Variants in DCST1 observed in about 807,000 individuals in gnomAD.
DCST1 encodes the protein E3 ubiquitin-protein ligase DCST1.
In DCST1, 78 loss-of-function variants were observed where a neutral mutation model predicts 89.1. That is an observed-to-expected ratio of 0.88 (90% CI 0.73 to 1.06). The LOEUF (loss-of-function observed/expected upper bound fraction) is 1.06. Ranked by LOEUF, DCST1 falls within the 50% of genes least tolerant of loss-of-function variation. The pLI, the probability that DCST1 is intolerant of heterozygous loss-of-function variation, is 0.00. For synonymous variants in DCST1, 364 were observed against 371.9 expected, an observed-to-expected ratio of 0.98 and a Z score of 0.24; for missense variants, 900 against 928.6, an observed-to-expected ratio of 0.97 and a Z score of 0.40.
chr1:155,038,727 G>A (rs1057049809), intron 4 of DCST1, among the ~76,000 whole-genome samples: 6 of 152,040 alleles, frequency 3.9e-5, no homozygotes, highest in Non-Finnish European at 8.8e-5. Context: ...ACCCCTCCCT[G>A]AAGAAATACG....
chr1:155,035,785 C>A (rs1181420423), intron 4 of DCST1, among the ~76,000 whole-genome samples: 1 of 151,964 alleles, frequency 6.6e-6, no homozygotes, highest in Non-Finnish European at 1.5e-5. Context: ...CAAAAATTAG[C>A]CGGATGTGGT....
chr1:155,035,899 C>T (rs1393772312), intron 4 of DCST1, among the ~76,000 whole-genome samples: 1 of 151,806 alleles, frequency 6.6e-6, no homozygotes, highest in Admixed American at 6.6e-5. Context: ...CACTGCACTC[C>T]AGCCTGGGTG....
Position 155,046,392 on chromosome 1 carries a change from G to A in DCST1, c.1401G>A (p.Leu467=). ...AGCTCCTGGAGACACTGCCCATTCT[G>A]CTGCTGCTGGTGGTGCTGTGTGGCT... The part of the protein sequence containing the change: ...VRELLETLPI[L]LLLVVLCGLD... The change falls in exon 13 of 17, where the codon CTG becomes CTA. Residue 467 remains leucine (L), a synonymous_variant. Coordinates refer to ENST00000295542, the MANE Select transcript of DCST1 (RefSeq NM_152494.4). 1 of 1,614,034 alleles carries A rather than the reference G, an allele frequency of 6.2e-7. No individual in the cohort carries two copies. The highest frequency in any genetic ancestry group is 1.1e-5 in the South Asian group (1 of 91,082).
intron 6 of DCST1, 106 bp from the exon 7 acceptor site, chr1:155,041,291 G>C (rs1660433472): frequency 8.5e-7 from 1 of 1,175,094 alleles, no homozygotes; most frequent in African/African-American, 1.5e-5. Flanking sequence ...CTGTCGGCCT[G>C]GGGTGAGAAC....
intron 5 of DCST1, among the ~76,000 whole-genome samples, 183 bp from the exon 6 acceptor site, chr1:155,040,302 C>CAAA (rs35215394): frequency 5.0e-5 from 3 of 59,882 alleles, no homozygotes; most frequent in East Asian, 5.4e-4. Flanking sequence ...GACTCCGTCT[C>CAAA]AAAAAAAAAA....
intron 16 of DCST1, chr1:155,049,269 A>G (rs1660769163): frequency 3.6e-6 from 2 of 555,272 alleles, no homozygotes; most frequent in South Asian, 5.1e-5. Context: ...TTGTACTTAC[A>G]TGGTGCTGGC....
rs1224733883 is a variant in DCST1, at chr1:155,045,620, C to T, written c.1173-273C>T. 1.2e-5 allele frequency: 6 copies of T among 485,692 alleles called. 1 individual carries two copies. The highest frequency in any genetic ancestry group is 6.9e-5 in the Admixed American group (2 of 28,898). 30.1% of individuals were successfully genotyped at this position (485,692 alleles called of 1,614,324 possible). On this transcript the variant is annotated intron_variant, in intron 10 of 16. Transcript: ENST00000295542. ...TGCAACTCCCTCCCAGACAGGCTGA[C>T]CATGCCCTCCTCTGAGCCCCCACCT...
Position 155,044,405 on chromosome 1 carries a change from G to A in DCST1, c.1172+896G>A, listed in dbSNP as rs192238401. Among the ~76,000 whole-genome samples, 37 of 150,236 alleles carry A rather than the reference G, an allele frequency of 2.5e-4. No individual in the cohort carries two copies. In the East Asian group the frequency reaches 7.0e-3, roughly 28 times the overall value. On this transcript the variant is annotated intron_variant, in intron 10 of 16. Coordinates refer to ENST00000295542, the MANE Select transcript of DCST1 (RefSeq NM_152494.4). ...GCTGAGGCAGGAGAATCACTGGGAG[G>A]TCGAAGCTGCAGTGAGCTGTGATTG...
intron 8 of DCST1, among the ~76,000 whole-genome samples, chr1:155,042,366 T>C (rs954178547): frequency 6.6e-6 from 1 of 152,192 alleles, no homozygotes; most frequent in Non-Finnish European, 1.5e-5. Flanking sequence ...CCCAAAGTGC[T>C]GGGATTACAG....
At chr1:155,049,278 G>A (rs1328606846) in intron 16 of DCST1, 1 of 517,256 alleles carries the variant, frequency 1.9e-6, no homozygotes, top group African/African-American at 1.9e-5. Flanking sequence ...CATGGTGCTG[G>A]CATGCAGCAA....
intron 10 of DCST1, among the ~76,000 whole-genome samples, chr1:155,044,950 G>A (rs892961498): frequency 1.3e-5 from 2 of 152,210 alleles, no homozygotes; most frequent in Non-Finnish European, 2.9e-5. Context: ...GAGCCAGCTT[G>A]TGGAGGGAAG....
chr1:155,034,833 T>A (rs1660224237), intron 4 of DCST1, 106 bp downstream of exon 4: 4 of 1,219,688 alleles, frequency 3.3e-6, no homozygotes, highest in Non-Finnish European at 4.8e-6. Context: ...TACCCATACA[T>A]CCCCTGTGGC....
chr1:155,034,334 C>T, intron 2 of DCST1, 101 bp from the exon 3 acceptor site: 4 of 1,606,576 alleles, frequency 2.5e-6, no homozygotes, highest in Non-Finnish European at 3.4e-6. Context: ...GTTTCACATG[C>T]CAGGTTTCCC....
At chr1:155,036,047 CAAAA>C (rs11445380) in intron 4 of DCST1, among the ~76,000 whole-genome samples, 7 of 71,232 alleles carry the variant, frequency 9.8e-5, no homozygotes, top group Non-Finnish European at 1.4e-4. Context: ...AACTCTGTCT[CAAAA>C]AAAAAAAAAA....
chr1:155,034,236 A>C, intron 2 of DCST1, 139 bp downstream of exon 2: 1 of 1,535,146 alleles, frequency 6.5e-7, no homozygotes, highest in Non-Finnish European at 8.9e-7. Flanking sequence ...CCCGCCTCCC[A>C]GCCCAGCCCT....
Position 155,047,319 on chromosome 1 carries a change from G to C in DCST1, c.1612+7G>C. Reference sequence around the variant, plus strand: ...ATGGAATCAAACAACATGCGTGAGTGATGCTGAAAGTTTGGATCAGAGGAA... The same window carrying C: ...ATGGAATCAAACAACATGCGTGAGTCATGCTGAAAGTTTGGATCAGAGGAA... On this transcript the variant is annotated splice_region_variant and intron_variant, in intron 14 of 16. Transcript: ENST00000295542. 6.2e-7 allele frequency: 1 copy of C among 1,607,598 alleles called. No homozygotes were observed. Among genetic ancestry groups the C allele is most frequent in the South Asian group, 1.1e-5 (1 of 90,896 alleles).
chr1:155,043,106 T>C (rs1660485246), intron 9 of DCST1, among the ~76,000 whole-genome samples: 1 of 151,806 alleles, frequency 6.6e-6, no homozygotes, highest in African/African-American at 2.4e-5. Context: ...AAGCCTGTGG[T>C]TTGTGCAGAC....
At chr1:155,036,750 T>G (rs141495752) in intron 4 of DCST1, among the ~76,000 whole-genome samples, 246 of 152,382 alleles carry the variant, frequency 1.6e-3, no homozygotes, top group African/African-American at 5.7e-3. Context: ...TATTGTCCCC[T>G]TGGAGGCTGT....
At chr1:155,044,548 T>A (rs187365772) in intron 10 of DCST1, among the ~76,000 whole-genome samples, 5 of 149,346 alleles carry the variant, frequency 3.3e-5, no homozygotes, top group Admixed American at 6.7e-5. Flanking sequence ...AAGACAGAGA[T>A]GGTTCAAGGG....
Sources: allele counts gnomAD v4.1 joint callset (sites outside exome capture counted in the v4.1 genomes callset), GRCh38; gene constraint gnomAD v4.1.1; transcripts MANE v1.5; gene names NCBI Gene and HGNC (gene_info 2026-07-23, HGNC 2026-07-21).